Variants in SHPRH observed in about 807,000 individuals in gnomAD.
SHPRH encodes SNF2 histone linker PHD RING helicase, also known as E3 ubiquitin-protein ligase SHPRH.
Under a neutral mutation model 202.5 loss-of-function variants are expected in SHPRH, and 106 were observed. The observed-to-expected ratio is 0.52, with a 90% CI of 0.45 to 0.62. The LOEUF (loss-of-function observed/expected upper bound fraction) is 0.62, where lower values mean the gene tolerates loss of function less well. SHPRH is among the 20% of genes least tolerant of loss of function. The pLI, the probability that SHPRH is intolerant of heterozygous loss-of-function variation, is 0.00. For synonymous variants in SHPRH, 729 were observed against 686.0 expected, an observed-to-expected ratio of 1.06 and a Z score of -0.98; for missense variants, 1,710 against 2,020.0, an observed-to-expected ratio of 0.85 and a Z score of 2.94.
In SHPRH at chr6:145,954,676, A is replaced by G. The variant is rs778106154; in HGVS notation, c.633+14T>C. On this transcript the variant is annotated intron_variant, in intron 2 of 29. Coordinates refer to ENST00000275233, the MANE Select transcript of SHPRH (RefSeq NM_001042683.3). The stretch of plus-strand genomic sequence containing the variant: ...AGAAGAGCCTCAAAAAAGACACCAC[A>G]AAAAACTGAGTACCTTGATAATGTG... 6.5e-7 allele frequency: 1 copy of G among 1,548,400 alleles called. No homozygotes were observed. The highest frequency in any genetic ancestry group is 2.2e-5 in the Admixed American group (1 of 45,964).
chr6:145,861,748 C>T (rs750831251), downstream of SHPRH, among the ~76,000 whole-genome samples: 130 of 152,210 alleles, frequency 8.5e-4, no homozygotes, highest in Non-Finnish European at 1.2e-3. Flanking sequence ...TGTATGTATA[C>T]ATATACACAC....
chr6:145,929,759 G>A (rs554039322), intron 14 of SHPRH, among the ~76,000 whole-genome samples: 216 of 152,078 alleles, frequency 1.4e-3, no homozygotes, highest in Non-Finnish European at 2.7e-3. Flanking sequence ...ACAAAGTTAC[G>A]TGTACTATAT....
rs536440126 is a variant in SHPRH, at chr6:145,920,730, G to A, written c.4008+437C>T. Among the ~76,000 whole-genome samples the A allele has an allele frequency of 1.1e-4, 16 of 152,106 alleles. No individual in the cohort carries two copies. In the South Asian group the frequency reaches 3.3e-3, roughly 32 times the overall value. On this transcript the variant is annotated intron_variant, in intron 21 of 29. Transcript: ENST00000275233. ...ATCATTAAAGTACAAATATGAAAGGGCATATCGGGCTTTATTTATTGGAAT... is the reference window on the plus strand; with the variant it reads ...ATCATTAAAGTACAAATATGAAAGGACATATCGGGCTTTATTTATTGGAAT...
chr6:145,946,356 A>G lies in SHPRH; in HGVS notation c.1213-15T>C. 1 of 1,580,386 alleles carries G rather than the reference A, an allele frequency of 6.3e-7. No homozygotes were observed. Among genetic ancestry groups the G allele is most frequent in the Non-Finnish European group, 8.7e-7 (1 of 1,155,844 alleles). On this transcript the variant is annotated splice_polypyrimidine_tract_variant and intron_variant, in intron 6 of 29. Transcript: ENST00000275233. The stretch of plus-strand genomic sequence containing the variant: ...ACCACTTTTCCCTGATACAAACAAC[A>G]GTCAGTAGTTACACAGTGTTTTGCT...
chr6:145,882,801 A>G (rs1780677433), downstream of SHPRH, among the ~76,000 whole-genome samples: 3 of 152,202 alleles, frequency 2.0e-5, no homozygotes, highest in Admixed American at 2.0e-4. Flanking sequence ...GCAGAAAATG[A>G]CCACAGGTAA....
In SHPRH at chr6:145,874,828, A is replaced by G. The variant is rs546451569; in HGVS notation, c.222-10337T>C. Among the ~76,000 whole-genome samples the G allele has an allele frequency of 2.6e-5, 4 of 152,336 alleles. No homozygotes were observed. The South Asian group carries it at 6.2e-4, about 24-fold the overall frequency. ...CTCCTGAATAAACTTGTCAATGATTATGGTCATCAAAACTTAGTATGATCA... is the reference window on the plus strand; with the variant it reads ...CTCCTGAATAAACTTGTCAATGATTGTGGTCATCAAAACTTAGTATGATCA... On this transcript the variant is annotated intron_variant, in intron 2 of 2. Coordinates refer to the SHPRH transcript ENST00000417762.
At chr6:145,930,463 T>A (rs1351796689) in intron 14 of SHPRH, among the ~76,000 whole-genome samples, 1 of 152,190 alleles carries the variant, frequency 6.6e-6, no homozygotes, top group Non-Finnish European at 1.5e-5. Flanking sequence ...CTTCAAAGTA[T>A]CTCCTACTTT....
At chr6:145,876,330 T>A (rs577642684) in intron 2 of SHPRH, among the ~76,000 whole-genome samples, 15 of 152,266 alleles carry the variant, frequency 9.9e-5, no homozygotes, top group African/African-American at 3.6e-4. Context: ...ATTATGATAC[T>A]GCTACTGCAC....
At chr6:145,921,509 G>A in intron 20 of SHPRH, 117 bp from the exon 21 acceptor site, 1 of 928,702 alleles carries the variant, frequency 1.1e-6, no homozygotes, top group Non-Finnish European at 1.6e-6. Context: ...AAGCAACCTT[G>A]AAAAAGCTGA....
chr6:145,894,875 T>C lies in SHPRH; in HGVS notation c.4608+10A>G. On this transcript the variant is annotated intron_variant, in intron 26 of 29. Transcript: ENST00000275233. ...CGAATTAATATTGAGGATGAAAATG[T>C]TGATTATACCGTTGAGAAAACGAGT... The C allele has an allele frequency of 6.2e-7, 1 of 1,611,340 alleles. No homozygotes were observed. Among genetic ancestry groups the C allele is most frequent in the Non-Finnish European group, 8.5e-7 (1 of 1,178,182 alleles).
intron 9 of SHPRH, among the ~76,000 whole-genome samples, chr6:145,942,929 C>T (rs1554244832): frequency 6.6e-6 from 1 of 152,142 alleles, no homozygotes; most frequent in Admixed American, 6.6e-5. Context: ...ACTCAAAATG[C>T]TTTAATTGGT....
intron 2 of SHPRH, among the ~76,000 whole-genome samples, chr6:145,865,067 A>G (rs1779717434): frequency 6.6e-6 from 1 of 152,016 alleles, no homozygotes; most frequent in African/African-American, 2.4e-5. Flanking sequence ...CTATAATTTC[A>G]TTATTTGGAT....
chr6:145,921,375 G>A lies in SHPRH; in HGVS notation c.3800C>T (p.Ala1267Val), dbSNP rs1448170225. ...ATCTTCTATCATCTCCTCAAATATT[G>A]CAGTCTGGCCTTTGACTCTGAAAAC... ...LFSNTVKGQT[A>V]IFEEMIEDEE... is the part of the protein sequence containing the mutation. Residue 1267 changes from alanine (A) to valine (V), a missense_variant, in exon 21 of 30, where the codon GCA (alanine) becomes GTA (valine). By Grantham distance (64) the Ala-to-Val change is moderately conservative. Transcript: ENST00000275233. 2 of 1,612,286 alleles carry A rather than the reference G, an allele frequency of 1.2e-6. No individual in the cohort carries two copies. Among genetic ancestry groups the A allele is most frequent in the Non-Finnish European group, 1.7e-6 (2 of 1,179,034 alleles).
chr6:145,895,005 T>G, intron 25 of SHPRH, 28 bp from the exon 26 acceptor site: 1 of 1,594,442 alleles, frequency 6.3e-7, no homozygotes, highest in Non-Finnish European at 8.6e-7. Flanking sequence ...AAATACACAT[T>G]ACTACTAAAA....
intron 25 of SHPRH, among the ~76,000 whole-genome samples, chr6:145,902,864 G>A (rs1782622472): frequency 6.6e-6 from 1 of 151,996 alleles, no homozygotes; most frequent in African/African-American, 2.4e-5. Flanking sequence ...TCATGAACAA[G>A]TCCTCTACCT....
In SHPRH at chr6:145,877,826, C is replaced by G. The variant is rs192102344; in HGVS notation, c.221+10194G>C. 9.2e-5 allele frequency: 14 copies of G among 152,370 alleles called. No individual in the cohort carries two copies. The East Asian group carries it at 1.9e-3, about 21-fold the overall frequency. 9.4% of individuals were successfully genotyped at this position (152,370 alleles called of 1,614,324 possible). ...TTGATCCCAAGTCTTTAGACAAATT[C>G]AACCAACTGTCCACCCGAAAATGTT... On this transcript the variant is annotated intron_variant, in intron 2 of 2. Coordinates refer to the SHPRH transcript ENST00000417762.
In SHPRH at chr6:145,893,411, A is replaced by G; in HGVS notation, c.4696-18T>C. Reference sequence around the variant, plus strand: ...AGGTTCTCCTAAAAAAGAAAGGTACATTTTAATTTTAGCTCGATCAGTTAA... The same window carrying G: ...AGGTTCTCCTAAAAAAGAAAGGTACGTTTTAATTTTAGCTCGATCAGTTAA... On this transcript the variant is annotated intron_variant, in intron 27 of 29. Transcript: ENST00000275233. 1 of 1,562,706 alleles carries G rather than the reference A, an allele frequency of 6.4e-7. No homozygotes were observed. Among genetic ancestry groups the G allele is most frequent in the Non-Finnish European group, 8.6e-7 (1 of 1,159,180 alleles).
Position 145,888,116 on chromosome 6 carries a change from G to T in SHPRH, c.4875-16C>A, listed in dbSNP as rs763670847. ...AATAGTAGGTCTAAAAGGTACAGAA[G>T]AATTTTAAGCTTAAAAACATAGTAA... On this transcript the variant is annotated splice_polypyrimidine_tract_variant and intron_variant, in intron 28 of 29. Transcript: ENST00000275233. 1.9e-6 allele frequency: 3 copies of T among 1,566,760 alleles called. No homozygotes were observed. Among genetic ancestry groups the T allele is most frequent in the Non-Finnish European group, 2.6e-6 (3 of 1,140,546 alleles).
chr6:145,926,413 A>G, intron 15 of SHPRH, 117 bp from the exon 16 acceptor site: 1 of 880,418 alleles, frequency 1.1e-6, no homozygotes, highest in East Asian at 2.6e-5. Context: ...ATCACCAAAT[A>G]CTTTTCCTAT....
Sources: allele counts gnomAD v4.1 joint callset (sites outside exome capture counted in the v4.1 genomes callset), GRCh38; gene constraint gnomAD v4.1.1; transcripts MANE v1.5; gene names NCBI Gene and HGNC (gene_info 2026-07-23, HGNC 2026-07-21).